SPIB: variants seen among roughly 807,000 people sequenced by gnomAD.
The protein encoded by SPIB is transcription factor Spi-B.
In SPIB, 7 loss-of-function variants were observed where a neutral mutation model predicts 31.9. The ratio of observed to expected loss-of-function variants is 0.22; its 90% CI spans 0.12 to 0.41. SPIB has a LOEUF of 0.41. SPIB is among the 10% of genes least tolerant of loss of function. The pLI, the probability that SPIB is intolerant of heterozygous loss-of-function variation, is 1.00. For missense variants in SPIB, 327 were observed against 360.2 expected, an observed-to-expected ratio of 0.91 and a Z score of 0.75; for synonymous variants, 176 against 158.9, an observed-to-expected ratio of 1.11 and a Z score of -0.81.
chr19:50,419,793 A>C, intron 1 of SPIB, 153 bp from the exon 2 acceptor site: 1 of 647,722 alleles, frequency 1.5e-6, no homozygotes, highest in Non-Finnish European at 2.5e-6. Flanking sequence ...AGCAGGGGGT[A>C]GTGGGGGAGT....
chr19:50,426,000 G>A (rs1272943751), intron 5 of SPIB, among the ~76,000 whole-genome samples: 1 of 152,110 alleles, frequency 6.6e-6, no homozygotes, highest in African/African-American at 2.4e-5. Context: ...CCTAACGTCA[G>A]GAGTTCAAGA....
At chr19:50,426,525 G>A (rs911099955) in intron 5 of SPIB, among the ~76,000 whole-genome samples, 11 of 152,160 alleles carry the variant, frequency 7.2e-5, no homozygotes, top group Non-Finnish European at 1.3e-4. Flanking sequence ...AGGGAGTTTC[G>A]CTCTTGTTGC....
At chr19:50,427,932 A>G in intron 5 of SPIB, 106 bp from the exon 6 acceptor site, 1 of 1,282,192 alleles carries the variant, frequency 7.8e-7, no homozygotes, top group South Asian at 1.6e-5. Flanking sequence ...CCCACTTTTC[A>G]GATCCAGGAG....
At chr19:50,420,498 C>T (rs952531920) in intron 2 of SPIB, among the ~76,000 whole-genome samples, 8 of 152,162 alleles carry the variant, frequency 5.3e-5, no homozygotes, top group Non-Finnish European at 8.8e-5. Context: ...ATCTATACAC[C>T]GTGTAGCCAC....
chr19:50,428,453 C>A lies in SPIB; in HGVS notation c.*117C>A. 8.4e-7 allele frequency: 1 copy of A among 1,184,594 alleles called. No homozygotes were observed. The highest frequency in any genetic ancestry group is 1.1e-6 in the Non-Finnish European group (1 of 872,302). 73.4% of individuals were successfully genotyped at this position (1,184,594 alleles called of 1,614,324 possible). On this transcript the variant is annotated 3_prime_UTR_variant, in exon 6 of 6. Transcript: ENST00000595883. This position sits in a 1 kb window ranked among gnomAD's most constrained non-coding sequence, Gnocchi z 6.5. The stretch of plus-strand genomic sequence containing the variant: ...AGGTGATAGGACTTACGCATCCCCA[C>A]CTTTTGGGGTAAGGGGAGTGCTGCC...
At chr19:50,419,912 G>T in intron 1 of SPIB, 34 bp from the exon 2 acceptor site, 1 of 1,532,678 alleles carries the variant, frequency 6.5e-7, no homozygotes, top group Non-Finnish European at 8.7e-7. Context: ...GCTGGAGGCA[G>T]CCTCAGCATG....
chr19:50,427,926 C>T, intron 5 of SPIB, 112 bp from the exon 6 acceptor site: 1 of 1,254,954 alleles, frequency 8.0e-7, no homozygotes, highest in Non-Finnish European at 1.1e-6. Flanking sequence ...CCTCACCCCA[C>T]TTTTCAGATC....
At chr19:50,423,321 C>T (rs908407033) in intron 4 of SPIB, 1 of 511,322 alleles carries the variant, frequency 2.0e-6, no homozygotes, top group African/African-American at 1.9e-5. Context: ...GCAGCGGCCT[C>T]CCAGGTTACG....
At chr19:50,421,939 G>A (rs1166986849) in intron 2 of SPIB, among the ~76,000 whole-genome samples, 3 of 152,074 alleles carry the variant, frequency 2.0e-5, no homozygotes, top group East Asian at 1.9e-4. Context: ...TAGTAGAGAC[G>A]GGATTTCACC....
rs1260260309 is a variant in SPIB, at chr19:50,430,329, C to T, written c.*1993C>T. ...CCCCAGGGAGTCAAAGGCTGCGGGC[C>T]AAGAGGCCAGAGGTCCTTGAGCCTG... On this transcript the variant is annotated 3_prime_UTR_variant, in exon 6 of 6. Transcript: ENST00000595883. 3 of 152,010 alleles carry T rather than the reference C, an allele frequency of 2.0e-5. No individual in the cohort carries two copies. Among genetic ancestry groups the T allele is most frequent in the Non-Finnish European group, 2.9e-5 (2 of 68,102 alleles). 9.4% of individuals were successfully genotyped at this position (152,010 alleles called of 1,614,324 possible).
At chr19:50,421,759 C>T (rs2039498455) in intron 2 of SPIB, among the ~76,000 whole-genome samples, 1 of 152,194 alleles carries the variant, frequency 6.6e-6, no homozygotes. Context: ...GGATTACAGA[C>T]ATCTGCCACC....
At chr19:50,427,055 A>G (rs759303560) in intron 5 of SPIB, among the ~76,000 whole-genome samples, 8 of 152,034 alleles carry the variant, frequency 5.3e-5, no homozygotes, top group Non-Finnish European at 7.4e-5. Flanking sequence ...GCTTAGGCCC[A>G]GGAGGTCGAG....
intron 2 of SPIB, among the ~76,000 whole-genome samples, chr19:50,420,692 G>A (rs1158037800): frequency 4.6e-5 from 7 of 152,070 alleles, no homozygotes; most frequent in African/African-American, 1.2e-4. Flanking sequence ...CAGTGGCAGC[G>A]TCTTGGCTCA....
rs1473603769 is a variant in SPIB at position 50,427,384 on chromosome 19, G to T, written c.491-654G>T. 2.0e-5 allele frequency among the ~76,000 whole-genome samples: 3 copies of T among 152,182 alleles called. No homozygotes were observed. In the East Asian group the frequency reaches 5.8e-4, roughly 29 times the overall value. On this transcript the variant is annotated intron_variant, in intron 5 of 5. Coordinates refer to ENST00000595883, the MANE Select transcript of SPIB (RefSeq NM_003121.5). Reference sequence around the variant, plus strand: ...TACTAAAAATATAAAAATAAGCCGGGCATGGTGGCAGACGTCTGTAGTCCC... The same window carrying T: ...TACTAAAAATATAAAAATAAGCCGGTCATGGTGGCAGACGTCTGTAGTCCC...
At chr19:50,420,603 T>A (rs1464342853) in intron 2 of SPIB, among the ~76,000 whole-genome samples, 1 of 152,164 alleles carries the variant, frequency 6.6e-6, no homozygotes, top group Non-Finnish European at 1.5e-5. Flanking sequence ...CCGCCACCAA[T>A]TTGTAATTTG....
In SPIB at chr19:50,429,096, T is replaced by C. The variant is rs1000578849; in HGVS notation, c.*760T>C. 1 of 152,194 alleles carries C rather than the reference T, an allele frequency of 6.6e-6. No homozygotes were observed. Among genetic ancestry groups the C allele is most frequent in the African/African-American group, 2.4e-5 (1 of 41,442 alleles). 9.4% of individuals were successfully genotyped at this position (152,194 alleles called of 1,614,324 possible). On this transcript the variant is annotated 3_prime_UTR_variant, in exon 6 of 6. Coordinates refer to ENST00000595883, the MANE Select transcript of SPIB (RefSeq NM_003121.5). ...GGCCCTGTCAGGGACACCCTTGTTA[T>C]ATCTGGGATCCTCCAATCACATCTG...
intron 5 of SPIB, 149 bp from the exon 6 acceptor site, chr19:50,427,889 G>A (rs539945447): frequency 1.8e-6 from 1 of 549,624 alleles, no homozygotes; most frequent in South Asian, 2.5e-5. Context: ...GAGGGGCGCA[G>A]AGCCAGGTGT....
At chr19:50,419,172 C>G (rs981729344) in intron 1 of SPIB, among the ~76,000 whole-genome samples, 187 bp downstream of exon 1, 1 of 152,196 alleles carries the variant, frequency 6.6e-6, no homozygotes, top group Non-Finnish European at 1.5e-5. Flanking sequence ...TCCATCCCCC[C>G]AGTTCCTATC....
In SPIB at chr19:50,428,162, G is replaced by A; in HGVS notation, c.615G>A (p.Lys205=). 1 of 1,590,224 alleles carries A rather than the reference G, an allele frequency of 6.3e-7. No homozygotes were observed. The highest frequency in any genetic ancestry group is 8.6e-7 in the Non-Finnish European group (1 of 1,168,366). The change falls in exon 6 of 6, where the codon AAG becomes AAA. Residue 205 remains lysine (K), a synonymous_variant. Transcript: ENST00000595883. The surrounding 1 kb of genome is among the most constrained non-coding windows in gnomAD (Gnocchi z 6.5). Reference sequence around the variant, plus strand: ...TCTTCCAGTTCTCCTCCAAGCACAAGGAACTCCTGGCGCGCCGCTGGGGCC... The same window carrying A: ...TCTTCCAGTTCTCCTCCAAGCACAAAGAACTCCTGGCGCGCCGCTGGGGCC... ...AGVFQFSSKH[K]ELLARRWGQQ...
Sources: allele counts gnomAD v4.1 joint callset (sites outside exome capture counted in the v4.1 genomes callset), GRCh38; gene constraint gnomAD v4.1.1; non-coding constraint Gnocchi (gnomAD v3.1); transcripts MANE v1.5; gene names NCBI Gene and HGNC (gene_info 2026-07-23, HGNC 2026-07-21).